Variants in SOX5 observed in about 807,000 individuals in gnomAD.
SOX5 encodes transcription factor SOX-5.
In SOX5, 9 loss-of-function variants were observed where a neutral mutation model predicts 92.0. The observed-to-expected ratio is 0.10, with a 90% CI of 0.06 to 0.17. The LOEUF is 0.17. Among genes scored for constraint, SOX5 ranks in the 10% least tolerant of loss-of-function variants. The pLI is 1.00. For missense variants in SOX5, 642 were observed against 944.5 expected, an observed-to-expected ratio of 0.68 and a Z score of 4.20; for synonymous variants, 344 against 336.3, an observed-to-expected ratio of 1.02 and a Z score of -0.25.
At chr12:23,990,199 G>C (rs763832029) in intron 4 of SOX5, among the ~76,000 whole-genome samples, 4 of 152,118 alleles carry the variant, frequency 2.6e-5, no homozygotes, top group African/African-American at 4.8e-5. Context: ...CTCTTACCTA[G>C]TCTCTGTCTT....
At chr12:23,784,151 G>A (rs1367006185) in intron 3 of SOX5, among the ~76,000 whole-genome samples, 1 of 152,066 alleles carries the variant, frequency 6.6e-6, no homozygotes, top group Non-Finnish European at 1.5e-5. Flanking sequence ...AGGCCTCAGG[G>A]TGGGAAGACT....
At chr12:23,795,580 TGAGTGTGTGA>T (rs1407780256) in intron 3 of SOX5, among the ~76,000 whole-genome samples, 1 of 152,064 alleles carries the variant, frequency 6.6e-6, no homozygotes, top group Admixed American at 6.6e-5. Context: ...AGCACGTATG[TGAGTGTGTGA>T]GAGTGTGTGC....
At chr12:23,543,564 CA>C (rs1290301931) in intron 12 of SOX5, among the ~76,000 whole-genome samples, 180 bp from the exon 13 acceptor site, 4 of 152,170 alleles carry the variant, frequency 2.6e-5, no homozygotes, top group Non-Finnish European at 5.9e-5. Context: ...CTTGTGGTGG[CA>C]AATGTTATAT....
intron 2 of SOX5, among the ~76,000 whole-genome samples, chr12:23,861,991 T>G (rs1382314741): frequency 1.3e-5 from 2 of 152,216 alleles, no homozygotes; most frequent in Non-Finnish European, 1.5e-5. Context: ...TATACATTTT[T>G]GGGTTTTCTA....
intron 4 of SOX5, among the ~76,000 whole-genome samples, chr12:24,028,846 A>C (rs17482272): frequency 0.029 from 4,383 of 152,108 alleles, 108 homozygotes; most frequent in Middle Eastern, 0.079. Flanking sequence ...GCAAACATCT[A>C]TTTAATATTA....
intron 1 of SOX5, among the ~76,000 whole-genome samples, chr12:24,418,725 T>G (rs975682075): frequency 3.3e-5 from 5 of 152,204 alleles, no homozygotes; most frequent in Admixed American, 3.3e-4. Flanking sequence ...TAAACTGGTT[T>G]GACTCTTTTT....
intron 4 of SOX5, among the ~76,000 whole-genome samples, chr12:24,117,007 C>G (rs1166783829): frequency 1.4e-5 from 2 of 143,328 alleles, no homozygotes; most frequent in Admixed American, 1.4e-4. Context: ...GCAAAGAAAA[C>G]AAAAGAATGG....
chr12:24,487,477 C>T (rs1402077652), intron 1 of SOX5, among the ~76,000 whole-genome samples: 2 of 152,028 alleles, frequency 1.3e-5, no homozygotes, highest in Non-Finnish European at 2.9e-5. Flanking sequence ...GAGACTGGCT[C>T]AACAGGATAT....
intron 3 of SOX5, among the ~76,000 whole-genome samples, chr12:23,824,800 C>A (rs1302082012): frequency 2.6e-5 from 4 of 152,192 alleles, no homozygotes; most frequent in Non-Finnish European, 4.4e-5. Flanking sequence ...GAGGAGGAAT[C>A]TAGAGAGGCA....
intron 3 of SOX5, among the ~76,000 whole-genome samples, chr12:23,792,315 A>G (rs1475956372): frequency 6.6e-6 from 1 of 152,006 alleles, no homozygotes; most frequent in Non-Finnish European, 1.5e-5. Flanking sequence ...GGGGATACAC[A>G]TAACTAAGGC....
intron 4 of SOX5, among the ~76,000 whole-genome samples, chr12:24,020,557 T>C (rs541923156): frequency 1.3e-5 from 2 of 152,232 alleles, no homozygotes; most frequent in South Asian, 4.2e-4. Context: ...TCGGCCTTAA[T>C]TAAAAAAGAC....
intron 4 of SOX5, among the ~76,000 whole-genome samples, chr12:24,057,257 T>C (rs1313874344): frequency 1.3e-5 from 2 of 151,990 alleles, no homozygotes; most frequent in East Asian, 3.9e-4. Context: ...AAAAAACCTA[T>C]ACTCAAAGCA....
At chr12:24,366,970 A>T (rs1309273426) in intron 2 of SOX5, among the ~76,000 whole-genome samples, 1 of 152,162 alleles carries the variant, frequency 6.6e-6, no homozygotes, top group African/African-American at 2.4e-5. Flanking sequence ...AGGCTTTAAA[A>T]ACTGACAGTT....
At chr12:24,417,878 C>A (rs1015088137) in intron 1 of SOX5, among the ~76,000 whole-genome samples, 8 of 152,242 alleles carry the variant, frequency 5.3e-5, no homozygotes, top group African/African-American at 1.9e-4. Context: ...ATGTTCAATG[C>A]AAATGACATG....
At chr12:23,537,537 C>G (rs1940819577) in intron 13 of SOX5, among the ~76,000 whole-genome samples, 1 of 152,138 alleles carries the variant, frequency 6.6e-6, no homozygotes, top group Admixed American at 6.5e-5. Context: ...ACGATTTTCT[C>G]TTAATAAATC....
chr12:24,074,702 T>A (rs1398885052), intron 4 of SOX5, among the ~76,000 whole-genome samples: 1 of 149,300 alleles, frequency 6.7e-6, no homozygotes, highest in African/African-American at 2.5e-5. Context: ...ACAAAATTTG[T>A]ATGTGTTAAA....
chr12:23,621,574 T>C (rs1212275266), intron 8 of SOX5, among the ~76,000 whole-genome samples: 1 of 152,138 alleles, frequency 6.6e-6, no homozygotes, highest in East Asian at 1.9e-4. Context: ...TATTCCCATG[T>C]GTTGGTATAT....
rs541249257 is a variant in SOX5, at chr12:23,977,206, G to A, written c.-1-81182C>T. ...CTTTCAATATTTCATTGAAGCCATC[G>A]CCACAATACAGGAGAAGTTTCAGAG... On this transcript the variant is annotated intron_variant, in intron 4 of 4. Coordinates refer to the SOX5 transcript ENST00000446891. Among the ~76,000 whole-genome samples, 11 of 152,068 alleles carry A rather than the reference G, an allele frequency of 7.2e-5. No homozygotes were observed. The South Asian group carries it at 1.5e-3, about 20-fold the overall frequency.
rs370065739 is a variant in SOX5 at position 24,171,501 on chromosome 12, G to T, written c.-2+41842C>A. On this transcript the variant is annotated intron_variant, in intron 4 of 4. Coordinates refer to the SOX5 transcript ENST00000446891. ...GCTTCCCAAAGGGCTAGGATTACAGGCGTGAGCCACCATGCCTGGCCAGCC... is the reference window on the plus strand; with the variant it reads ...GCTTCCCAAAGGGCTAGGATTACAGTCGTGAGCCACCATGCCTGGCCAGCC... 1.4e-4 allele frequency among the ~76,000 whole-genome samples: 21 copies of T among 152,212 alleles called. No homozygotes were observed. The East Asian group carries it at 4.1e-3, about 29-fold the overall frequency.
Sources: gnomAD v4.1 joint callset for allele counts (sites outside exome capture counted in the v4.1 genomes callset) on GRCh38, gnomAD v4.1.1 for gene constraint, MANE v1.5 for transcripts, NCBI Gene and HGNC (gene_info 2026-07-23, HGNC 2026-07-21) for gene names.